The following SMIM10L3 variants were observed in gnomAD, a reference collection of about 807,000 sequenced individuals.
The protein encoded by SMIM10L3 is small integral membrane protein 10 like 3, also known as salivary gland specific protein SAGSIN1.
At chr7:6,348,148 A>C in the SMIM10L3 span, among the ~76,000 whole-genome samples, 2 of 148,432 alleles carry the variant, frequency 1.3e-5, no homozygotes, top group African/African-American at 4.9e-5. Context: ...GACCTCAGGT[A>C]ATCCGCCCGC....
chr7:6,332,380 C>T, the SMIM10L3 span, among the ~76,000 whole-genome samples: 1 of 152,152 alleles, frequency 6.6e-6, no homozygotes, highest in Non-Finnish European at 1.5e-5. Flanking sequence ...CCTATGGATA[C>T]TGACCAGCTT....
chr7:6,330,413 G>A, the SMIM10L3 span: 1 of 1,613,946 alleles, frequency 6.2e-7, no homozygotes, highest in Non-Finnish European at 8.5e-7. Flanking sequence ...TCAAAAGGTT[G>A]CAGAGCCAGT....
chr7:6,331,942 C>T, the SMIM10L3 span, among the ~76,000 whole-genome samples: 7 of 151,488 alleles, frequency 4.6e-5, no homozygotes, highest in Non-Finnish European at 8.8e-5. Context: ...GATGAGGGTT[C>T]GCCATGTTGG....
chr7:6,335,461 C>T, the SMIM10L3 span, among the ~76,000 whole-genome samples: 43 of 152,150 alleles, frequency 2.8e-4, 1 homozygote, highest in Admixed American at 1.8e-3. Context: ...GTCCTGACCT[C>T]AGGTGATCTG....
the SMIM10L3 span, among the ~76,000 whole-genome samples, chr7:6,335,568 T>C: frequency 1.3e-5 from 2 of 152,256 alleles, no homozygotes; most frequent in East Asian, 1.9e-4. Flanking sequence ...TGTCTTGGTT[T>C]AGTTCATTCT....
the SMIM10L3 span, among the ~76,000 whole-genome samples, chr7:6,344,717 C>A: frequency 0.023 from 3,436 of 152,102 alleles, 65 homozygotes; most frequent in Middle Eastern, 0.051. Flanking sequence ...CGGCACCTGG[C>A]CCACTCAATT....
At chr7:6,339,090 C>T in the SMIM10L3 span, among the ~76,000 whole-genome samples, 1 of 152,198 alleles carries the variant, frequency 6.6e-6, no homozygotes, top group Admixed American at 6.6e-5. Flanking sequence ...ATGACCACAG[C>T]ACTTCTAAAT....
the SMIM10L3 span, among the ~76,000 whole-genome samples, chr7:6,335,033 G>A: frequency 1.0e-4 from 15 of 150,568 alleles, no homozygotes; most frequent in Non-Finnish European, 2.2e-4. Flanking sequence ...TCCCAAAGTG[G>A]TGGGATTACA....
At chr7:6,343,550 C>T in the SMIM10L3 span, among the ~76,000 whole-genome samples, 2 of 151,002 alleles carry the variant, frequency 1.3e-5, no homozygotes, top group South Asian at 4.2e-4. Context: ...CATTTTTAAT[C>T]TTGCTTTTAC....
At chr7:6,339,041 C>A in the SMIM10L3 span, among the ~76,000 whole-genome samples, 2 of 152,266 alleles carry the variant, frequency 1.3e-5, no homozygotes, top group South Asian at 4.1e-4. Context: ...AGAAACAAAC[C>A]CCCGGATTTC....
the SMIM10L3 span, among the ~76,000 whole-genome samples, chr7:6,348,261 G>A: frequency 6.7e-6 from 1 of 149,728 alleles, no homozygotes; most frequent in Admixed American, 6.7e-5. Flanking sequence ...TTGGGAACTA[G>A]AAAATTCACC....
At chr7:6,336,842 G>C in the SMIM10L3 span, among the ~76,000 whole-genome samples, 2 of 152,102 alleles carry the variant, frequency 1.3e-5, no homozygotes, top group Non-Finnish European at 2.9e-5. Flanking sequence ...TTTGTGTAGA[G>C]ACAATGTTTT....
chr7:6,343,337 A>G, the SMIM10L3 span, among the ~76,000 whole-genome samples: 3 of 148,246 alleles, frequency 2.0e-5, no homozygotes, highest in East Asian at 3.9e-4. Flanking sequence ...AAATCACACC[A>G]CTGCACTCCA....
the SMIM10L3 span, among the ~76,000 whole-genome samples, chr7:6,333,840 C>CTT: frequency 2.8e-3 from 275 of 96,704 alleles, no homozygotes; most frequent in Non-Finnish European, 4.0e-3. Flanking sequence ...CTCCTGGCCT[C>CTT]TTTTTTTTTT....
the SMIM10L3 span, among the ~76,000 whole-genome samples, chr7:6,341,462 T>A: frequency 6.5e-3 from 932 of 144,054 alleles, 6 homozygotes; most frequent in African/African-American, 0.019. Flanking sequence ...TAATAATAAT[T>A]ATTATTATTA....
the SMIM10L3 span, among the ~76,000 whole-genome samples, chr7:6,334,878 C>A: frequency 6.6e-6 from 1 of 152,106 alleles, no homozygotes; most frequent in Non-Finnish European, 1.5e-5. Flanking sequence ...AAGTGATTCT[C>A]CTGCCTCAGC....
At chr7:6,333,168 C>CAAAAAAAAAAAAAAAAAAA in the SMIM10L3 span, among the ~76,000 whole-genome samples, 1 of 127,998 alleles carries the variant, frequency 7.8e-6, no homozygotes, top group Non-Finnish European at 1.8e-5. Context: ...ATAAAAAAAT[C>CAAAAAAAAAAAAAAAAAAA]AAAAAAAAAA....
chr7:6,330,361 G>T, the SMIM10L3 span: 1 of 1,597,964 alleles, frequency 6.3e-7, no homozygotes, highest in Non-Finnish European at 8.5e-7. Context: ...TATTGGTATT[G>T]TTCTGCTTGT....
chr7:6,333,933 A>G, the SMIM10L3 span, among the ~76,000 whole-genome samples: 7,029 of 133,910 alleles, frequency 0.052, 243 homozygotes, highest in Middle Eastern at 0.11. Context: ...TAAAAGCTCC[A>G]CCTCCCGGGT....
Sources: allele counts gnomAD v4.1 joint callset (sites outside exome capture counted in the v4.1 genomes callset), GRCh38; gene constraint gnomAD v4.1.1; transcripts MANE v1.5; gene names NCBI Gene and HGNC (gene_info 2026-07-23, HGNC 2026-07-21).